AP2A2: variants seen among roughly 807,000 people sequenced by gnomAD.
AP2A2 encodes AP-2 complex subunit alpha-2.
In AP2A2, 32 loss-of-function variants were observed where a neutral mutation model predicts 104.2. That is an observed-to-expected ratio of 0.31 (90% CI 0.23 to 0.41). The LOEUF (loss-of-function observed/expected upper bound fraction) is 0.41, where lower values mean the gene tolerates loss of function less well. Among genes scored for constraint, AP2A2 ranks in the 10% least tolerant of loss-of-function variants. The pLI is 1.00. For missense variants in AP2A2, 912 were observed against 1,261.0 expected, an observed-to-expected ratio of 0.72 and a Z score of 4.19; for synonymous variants, 539 against 533.3, an observed-to-expected ratio of 1.01 and a Z score of -0.15.
intron 5 of AP2A2, among the ~76,000 whole-genome samples, chr11:977,874 T>A (rs1287430139): frequency 6.6e-6 from 1 of 152,074 alleles, no homozygotes; most frequent in Non-Finnish European, 1.5e-5. Context: ...TGTGGGCCGG[T>A]CACGCGTTCA....
intron 10 of AP2A2, 188 bp downstream of exon 10, chr11:988,877 C>A (rs550963084): frequency 1.4e-6 from 1 of 734,918 alleles, no homozygotes; most frequent in Non-Finnish European, 2.2e-6. Context: ...CACCTGTGGT[C>A]CCCGCTACTC....
chr11:955,120 C>T (rs560151807), intron 1 of AP2A2, among the ~76,000 whole-genome samples: 177 of 152,288 alleles, frequency 1.2e-3, no homozygotes, highest in African/African-American at 2.4e-3. Context: ...AGGGAGAGAG[C>T]GCAAGGTCCC....
chr11:982,408 T>C (rs11601782), intron 6 of AP2A2, among the ~76,000 whole-genome samples: 2,587 of 152,322 alleles, frequency 0.017, 32 homozygotes, highest in Non-Finnish European at 0.026. Context: ...CAACTTTGCA[T>C]GTTGATTGGC....
intron 2 of AP2A2, among the ~76,000 whole-genome samples, chr11:961,637 A>G (rs1344075486): frequency 1.7e-4 from 14 of 81,588 alleles, no homozygotes; most frequent in Non-Finnish European, 2.7e-4. Context: ...CAGAGTTGCC[A>G]CCAGTGAAAA....
intron 2 of AP2A2, among the ~76,000 whole-genome samples, chr11:963,934 T>C (rs1481366652): frequency 1.3e-5 from 2 of 152,018 alleles, no homozygotes; most frequent in Non-Finnish European, 2.9e-5. Flanking sequence ...CCCCTAGGAG[T>C]GTGGGTCCAC....
At chr11:989,289 C>T (rs935836845) in intron 10 of AP2A2, among the ~76,000 whole-genome samples, 6 of 151,942 alleles carry the variant, frequency 3.9e-5, no homozygotes, top group Admixed American at 6.6e-5. Context: ...GCCGAGATTG[C>T]GCCATTGCAC....
intron 1 of AP2A2, among the ~76,000 whole-genome samples, chr11:926,873 C>T (rs1197705009): frequency 2.6e-5 from 4 of 152,110 alleles, no homozygotes; most frequent in Non-Finnish European, 5.9e-5. Context: ...GAAGGCTGGG[C>T]CTGTTAGAAG....
chr11:997,228 C>T (rs1855885892), intron 14 of AP2A2, among the ~76,000 whole-genome samples: 1 of 152,170 alleles, frequency 6.6e-6, no homozygotes, highest in South Asian at 2.1e-4. Flanking sequence ...TTCCGAGCAT[C>T]CTCTTTCTGC....
intron 2 of AP2A2, among the ~76,000 whole-genome samples, chr11:967,822 CCT>C (rs370102893): frequency 1.2e-4 from 19 of 152,184 alleles, no homozygotes; most frequent in African/African-American, 4.6e-4. Flanking sequence ...AGCCATCTCT[CCT>C]CTGATCTGCA....
intron 1 of AP2A2, among the ~76,000 whole-genome samples, chr11:926,551 C>G (rs1447496771): frequency 6.6e-6 from 1 of 152,166 alleles, no homozygotes; most frequent in Non-Finnish European, 1.5e-5. Context: ...CTTGGTCTTT[C>G]TAGTACTGGA....
Position 1,009,664 on chromosome 11 carries a change from C to G in AP2A2, c.2608-19C>G, listed in dbSNP as rs756890501. 1.9e-5 allele frequency: 29 copies of G among 1,553,688 alleles called. No homozygotes were observed. The African/African-American group carries it at 3.1e-4, about 17-fold the overall frequency. ...GCGACCCCGCGCCAGGGTCCTCATT[C>G]TCCTGTTTCTTTGGACAGATCATTG... On this transcript the variant is annotated intron_variant, in intron 20 of 21. Transcript: ENST00000448903.
intron 1 of AP2A2, among the ~76,000 whole-genome samples, chr11:950,215 A>G (rs576199105): frequency 3.3e-5 from 5 of 152,146 alleles, no homozygotes; most frequent in Non-Finnish European, 7.3e-5. Context: ...TATGCACAAG[A>G]AATAACTCCA....
chr11:929,958 C>G (rs1853235820), intron 1 of AP2A2, among the ~76,000 whole-genome samples: 1 of 148,966 alleles, frequency 6.7e-6, no homozygotes, highest in African/African-American at 2.5e-5. Flanking sequence ...ACTGTTTCCA[C>G]AAAAATACAA....
At chr11:979,810 G>T (rs1212895183) in intron 5 of AP2A2, among the ~76,000 whole-genome samples, 1 of 152,150 alleles carries the variant, frequency 6.6e-6, no homozygotes, top group Non-Finnish European at 1.5e-5. Context: ...CAGGGGATCC[G>T]CCTGCTTCGG....
At chr11:944,893 A>C in intron 1 of AP2A2, among the ~76,000 whole-genome samples, 1 of 135,732 alleles carries the variant, frequency 7.4e-6, no homozygotes, top group Admixed American at 7.4e-5. Context: ...GGGGGGAATG[A>C]AGGTGGGGGA....
At position 1,011,485 on chromosome 11, in the gene AP2A2, G is replaced by C. The variant is rs1367157670; in HGVS notation, c.*860G>C. 4.0e-6 allele frequency: 2 copies of C among 498,598 alleles called. No individual in the cohort carries two copies. Among genetic ancestry groups the C allele is most frequent in the East Asian group, 1.2e-4 (2 of 17,298 alleles). The allele number at this position is 498,598 out of a possible 1,614,324, so 30.9% of individuals were successfully genotyped here. On this transcript the variant is annotated 3_prime_UTR_variant, in exon 22 of 22. Coordinates refer to ENST00000448903, the MANE Select transcript of AP2A2 (RefSeq NM_012305.4). ...TCCAGTCGTCCCTGGAGGGGCTGTGGAGGAGGGACGCCTCTGTGTGGTCAG... is the reference window on the plus strand; with the variant it reads ...TCCAGTCGTCCCTGGAGGGGCTGTGCAGGAGGGACGCCTCTGTGTGGTCAG...
intron 1 of AP2A2, among the ~76,000 whole-genome samples, chr11:956,011 G>A (rs889785807): frequency 6.6e-6 from 1 of 152,218 alleles, no homozygotes; most frequent in Admixed American, 6.5e-5. Context: ...ACTTGAGAAG[G>A]TTTTTTAAAT....
At chr11:957,094 T>G (rs1183543405) in intron 1 of AP2A2, 2 of 152,220 alleles carry the variant, frequency 1.3e-5, no homozygotes, top group African/African-American at 4.8e-5. Context: ...AATGGACATC[T>G]CACGACCCCC....
At chr11:997,618 T>C (rs1196800800) in intron 14 of AP2A2, among the ~76,000 whole-genome samples, 1 of 152,178 alleles carries the variant, frequency 6.6e-6, no homozygotes, top group African/African-American at 2.4e-5. Context: ...TTAAAAGCCA[T>C]AGATGGCTGG....
Sources: allele counts gnomAD v4.1 joint callset (sites outside exome capture counted in the v4.1 genomes callset), GRCh38; gene constraint gnomAD v4.1.1; transcripts MANE v1.5; gene names NCBI Gene and HGNC (gene_info 2026-07-23, HGNC 2026-07-21).